Variants in EDIL3 observed in about 807,000 individuals in gnomAD.
EDIL3 encodes the protein EGF-like repeat and discoidin I-like domain-containing protein 3.
In EDIL3, 37 loss-of-function variants were observed where a neutral mutation model predicts 67.4. The observed-to-expected ratio is 0.55, with a 90% CI of 0.42 to 0.72. The LOEUF is 0.72. EDIL3 is among the 30% of genes least tolerant of loss of function. The pLI, the probability that EDIL3 is intolerant of heterozygous loss-of-function variation, is 0.00. For missense variants in EDIL3, 527 were observed against 586.3 expected, an observed-to-expected ratio of 0.90 and a Z score of 1.04; for synonymous variants, 195 against 196.3, an observed-to-expected ratio of 0.99 and a Z score of 0.05.
intron 9 of EDIL3, among the ~76,000 whole-genome samples, chr5:84,012,924 T>A (rs531391943): frequency 6.6e-6 from 1 of 152,050 alleles, no homozygotes; most frequent in Non-Finnish European, 1.5e-5. Flanking sequence ...CTATTAGGTA[T>A]ATTATCATTT....
intron 1 of EDIL3, among the ~76,000 whole-genome samples, chr5:84,297,091 AG>A (rs1478912761): frequency 1.3e-5 from 2 of 149,634 alleles, no homozygotes; most frequent in Non-Finnish European, 3.0e-5. Context: ...CTGAGGCAGG[AG>A]AATGGTGTGA....
At chr5:84,374,851 C>T (rs985497742) in intron 1 of EDIL3, among the ~76,000 whole-genome samples, 11 of 152,258 alleles carry the variant, frequency 7.2e-5, no homozygotes, top group South Asian at 4.1e-4. Flanking sequence ...AAGGTCCTTG[C>T]TTCCCCTTCG....
chr5:84,191,715 C>A (rs181113272), intron 3 of EDIL3, among the ~76,000 whole-genome samples: 469 of 151,848 alleles, frequency 3.1e-3, no homozygotes, highest in Non-Finnish European at 4.6e-3. Context: ...CAAAGCAAAC[C>A]AATATTTTTT....
chr5:84,362,589 T>G (rs917797340), intron 1 of EDIL3, among the ~76,000 whole-genome samples: 1 of 152,136 alleles, frequency 6.6e-6, no homozygotes, highest in African/African-American at 2.4e-5. Flanking sequence ...CCTGTTAAAG[T>G]TGGTATGTTC....
At chr5:84,142,134 T>A (rs530957484) in intron 4 of EDIL3, among the ~76,000 whole-genome samples, 53 of 151,710 alleles carry the variant, frequency 3.5e-4, no homozygotes, top group African/African-American at 1.2e-3. Context: ...CAAAAGCCCA[T>A]GAAATTGACT....
intron 10 of EDIL3, among the ~76,000 whole-genome samples, chr5:83,944,121 GCTGGGCA>G (rs1744272714): frequency 6.6e-6 from 1 of 152,020 alleles, no homozygotes; most frequent in Non-Finnish European, 1.5e-5. Flanking sequence ...AGCAAAGGAG[GCTGGGCA>G]CTGGAGAGAA....
At chr5:84,195,559 C>T (rs1014408522) in intron 3 of EDIL3, among the ~76,000 whole-genome samples, 2 of 151,856 alleles carry the variant, frequency 1.3e-5, no homozygotes, top group South Asian at 2.1e-4. Context: ...CAGTTATAAA[C>T]GTGTACACTT....
At chr5:83,969,711 T>C (rs1052185861) in intron 9 of EDIL3, among the ~76,000 whole-genome samples, 8 of 151,830 alleles carry the variant, frequency 5.3e-5, no homozygotes, top group African/African-American at 1.9e-4. Context: ...AAAATAACTC[T>C]TTACACACCA....
At chr5:84,333,469 A>G (rs1473366438) in intron 1 of EDIL3, among the ~76,000 whole-genome samples, 1 of 152,158 alleles carries the variant, frequency 6.6e-6, no homozygotes, top group Non-Finnish European at 1.5e-5. Context: ...ACAACAAATT[A>G]ACAAGATCAA....
At chr5:84,155,180 A>G (rs1317026774) in intron 4 of EDIL3, among the ~76,000 whole-genome samples, 2 of 152,192 alleles carry the variant, frequency 1.3e-5, no homozygotes, top group African/African-American at 4.8e-5. Context: ...TGAAAGGAGT[A>G]AGTATAACAT....
At chr5:84,288,906 C>G (rs1745861230) in intron 1 of EDIL3, among the ~76,000 whole-genome samples, 1 of 151,650 alleles carries the variant, frequency 6.6e-6, no homozygotes, top group South Asian at 2.1e-4. Context: ...TCACTTAGAA[C>G]AAGGTCTACA....
intron 5 of EDIL3, among the ~76,000 whole-genome samples, chr5:84,136,279 T>C (rs1748090310): frequency 1.3e-5 from 2 of 152,196 alleles, no homozygotes; most frequent in Non-Finnish European, 2.9e-5. Flanking sequence ...CTCATCTGCA[T>C]CTACATTTGG....
chr5:84,314,002 C>T (rs1250071623), intron 1 of EDIL3, among the ~76,000 whole-genome samples: 2 of 151,948 alleles, frequency 1.3e-5, no homozygotes, highest in Non-Finnish European at 2.9e-5. Flanking sequence ...TTCAGACCAG[C>T]CTGGACAACA....
At chr5:84,008,200 G>T (rs1399111140) in intron 9 of EDIL3, among the ~76,000 whole-genome samples, 1 of 152,048 alleles carries the variant, frequency 6.6e-6, no homozygotes, top group Non-Finnish European at 1.5e-5. Flanking sequence ...TTAGAAAGAA[G>T]AAATAAGATC....
At chr5:84,208,971 A>C (rs576609785) in intron 3 of EDIL3, among the ~76,000 whole-genome samples, 15 of 152,208 alleles carry the variant, frequency 9.9e-5, no homozygotes, top group Non-Finnish European at 2.1e-4. Flanking sequence ...ACTTGGAACC[A>C]ACGCAAATAT....
At chr5:83,950,167 C>A (rs1056554457) in intron 10 of EDIL3, among the ~76,000 whole-genome samples, 2 of 151,814 alleles carry the variant, frequency 1.3e-5, no homozygotes, top group African/African-American at 2.4e-5. Flanking sequence ...GGACTCTGCC[C>A]CATATGTCTC....
chr5:84,092,399 A>G (rs1747182644), intron 6 of EDIL3, among the ~76,000 whole-genome samples: 1 of 152,198 alleles, frequency 6.6e-6, no homozygotes, highest in Non-Finnish European at 1.5e-5. Context: ...CATGGTCAAA[A>G]TGTATAGCAA....
intron 2 of EDIL3, among the ~76,000 whole-genome samples, chr5:84,237,735 C>T (rs1366919743): frequency 6.6e-6 from 1 of 152,100 alleles, no homozygotes; most frequent in African/African-American, 2.4e-5. Context: ...AAAAGATCCT[C>T]TTTGATGCCA....
chr5:84,367,003 C>T (rs1747751739), intron 1 of EDIL3, among the ~76,000 whole-genome samples: 1 of 152,096 alleles, frequency 6.6e-6, no homozygotes, highest in Admixed American at 6.6e-5. Flanking sequence ...TAACAAAATA[C>T]AATAGTTAAA....
Sources: gnomAD v4.1 joint callset for allele counts (sites outside exome capture counted in the v4.1 genomes callset) on GRCh38, gnomAD v4.1.1 for gene constraint, MANE v1.5 for transcripts, NCBI Gene and HGNC (gene_info 2026-07-23, HGNC 2026-07-21) for gene names.